Variants in LRP1B observed in about 807,000 individuals in gnomAD.
LRP1B encodes the protein LDL receptor related protein 1B, also known as low-density lipoprotein receptor-related protein 1B.
In LRP1B, 217 loss-of-function variants were observed where a neutral mutation model predicts 556.6. The ratio of observed to expected loss-of-function variants is 0.39; its 90% CI spans 0.35 to 0.44. LRP1B has a LOEUF of 0.44. Among genes scored for constraint, LRP1B ranks in the 20% least tolerant of loss-of-function variants. The pLI is 1.00. For missense variants in LRP1B, 5,053 were observed against 5,620.8 expected (o/e 0.90, Z 3.23); for synonymous variants, 2,047 against 1,865.8 (o/e 1.10, Z -2.50).
Position 140,252,062 on chromosome 2 carries a change from C to CAAAAAAAAAAAAAAA in LRP1B, c.13248-4915_13248-4901dup. Among the ~76,000 whole-genome samples the CAAAAAAAAAAAAAAA allele has an allele frequency of 2.3e-3, 43 of 18,530 alleles. 2 individuals are homozygous for CAAAAAAAAAAAAAAA. Among genetic ancestry groups the CAAAAAAAAAAAAAAA allele is most frequent in the Admixed American group, 5.2e-3 (5 of 954 alleles). 12.2% of individuals were successfully genotyped at this position (18,530 alleles called of 152,430 possible). A position where few individuals can be genotyped will look rare whatever the true frequency, so the allele number is the denominator to read the frequency against. On this transcript the variant is annotated intron_variant, in intron 86 of 90. Coordinates refer to ENST00000389484, the MANE Select transcript of LRP1B (RefSeq NM_018557.3). The stretch of plus-strand genomic sequence containing the variant: ...TTGCAGATAGTAGCATGACAAGATG[C>CAAAAAAAAAAAAAAA]AAAAAAAAAAAAAAAAAAAAAAAAA...
At chr2:141,588,425 T>A (rs1197152004) in intron 2 of LRP1B, among the ~76,000 whole-genome samples, 1 of 152,134 alleles carries the variant, frequency 6.6e-6, no homozygotes, top group Non-Finnish European at 1.5e-5. Context: ...TTTATTACAA[T>A]GACTAAGTCA....
chr2:141,183,664 C>T (rs929483619), intron 7 of LRP1B, among the ~76,000 whole-genome samples: 5 of 151,968 alleles, frequency 3.3e-5, no homozygotes, highest in African/African-American at 1.2e-4. Context: ...AAAGATTCAT[C>T]CCACACAGAA....
intron 42 of LRP1B, among the ~76,000 whole-genome samples, chr2:140,599,777 C>T (rs538467): frequency 0.093 from 14,152 of 152,084 alleles, 1,040 homozygotes; most frequent in African/African-American, 0.2. Flanking sequence ...GTGTTCCTTT[C>T]ATTTCCCCCC....
At chr2:140,236,139 A>G (rs1178878404) in intron 89 of LRP1B, among the ~76,000 whole-genome samples, 1 of 150,960 alleles carries the variant, frequency 6.6e-6, no homozygotes. Context: ...GATAGTACAC[A>G]ATGTATCCAT....
intron 7 of LRP1B, among the ~76,000 whole-genome samples, chr2:141,164,459 C>G (rs924816375): frequency 1.3e-5 from 2 of 152,024 alleles, no homozygotes; most frequent in African/African-American, 4.8e-5. Context: ...ATGTTACTGT[C>G]TATAATTCTC....
At chr2:141,728,645 AT>A (rs1693143230) in intron 2 of LRP1B, among the ~76,000 whole-genome samples, 1 of 152,112 alleles carries the variant, frequency 6.6e-6, no homozygotes, top group Non-Finnish European at 1.5e-5. Flanking sequence ...TCGGAAGCTC[AT>A]TTGACTGTAG....
At chr2:141,425,776 T>C (rs1680339248) in intron 3 of LRP1B, among the ~76,000 whole-genome samples, 1 of 152,028 alleles carries the variant, frequency 6.6e-6, no homozygotes, top group Non-Finnish European at 1.5e-5. Context: ...TGTTTGTTTT[T>C]TTCTTGTAAA....
chr2:140,274,507 T>TC lies in LRP1B; in HGVS notation c.13058dup (p.Pro4354ThrfsTer4). 6.2e-7 allele frequency: 1 copy of TC among 1,612,730 alleles called. No individual in the cohort carries two copies. Among genetic ancestry groups the TC allele is most frequent in the Non-Finnish European group, 8.5e-7 (1 of 1,179,130 alleles). On this transcript the variant is annotated frameshift_variant, in exon 85 of 91. Transcript: ENST00000389484. LOFTEE classifies it high-confidence loss of function. ...CACACTTGTCAACCTCACATTTTGG[T>TC]CCTTCATAGCGCGTTGGACAGACAC...
intron 6 of LRP1B, among the ~76,000 whole-genome samples, chr2:141,200,369 T>G (rs1047171238): frequency 3.3e-5 from 5 of 151,966 alleles, no homozygotes; most frequent in African/African-American, 1.2e-4. Flanking sequence ...GAGGGAACAA[T>G]GCACTGAGGC....
chr2:141,892,396 A>T (rs947275984), intron 1 of LRP1B, among the ~76,000 whole-genome samples: 33 of 152,082 alleles, frequency 2.2e-4, no homozygotes, highest in East Asian at 3.9e-4. Flanking sequence ...TTAAGTGGAA[A>T]TTTTTTTAAA....
chr2:142,002,289 T>C (rs1702678138), intron 1 of LRP1B, among the ~76,000 whole-genome samples: 1 of 152,136 alleles, frequency 6.6e-6, no homozygotes, highest in Non-Finnish European at 1.5e-5. Flanking sequence ...AATTGCAATA[T>C]CAAAAATCCA....
chr2:141,905,765 A>ATG (rs56309590), intron 1 of LRP1B, among the ~76,000 whole-genome samples: 2,191 of 100,238 alleles, frequency 0.022, 46 homozygotes, highest in African/African-American at 0.049. Flanking sequence ...GTTTGAATAG[A>ATG]TGTGTGTGTG....
intron 1 of LRP1B, among the ~76,000 whole-genome samples, chr2:141,966,772 C>T (rs776328981): frequency 4.0e-5 from 6 of 151,768 alleles, no homozygotes; most frequent in Non-Finnish European, 8.8e-5. Flanking sequence ...TGTCAGATAA[C>T]AGCACCCTAT....
intron 84 of LRP1B, among the ~76,000 whole-genome samples, chr2:140,296,264 A>C (rs892157606): frequency 6.6e-6 from 1 of 152,162 alleles, no homozygotes; most frequent in African/African-American, 2.4e-5. Context: ...AGTGTATATG[A>C]AACAAGAATT....
At chr2:140,975,322 C>A (rs1285484920) in intron 18 of LRP1B, among the ~76,000 whole-genome samples, 1 of 152,192 alleles carries the variant, frequency 6.6e-6, no homozygotes, top group Non-Finnish European at 1.5e-5. Context: ...GAGACTCAAA[C>A]CTCTCTGAAG....
intron 6 of LRP1B, among the ~76,000 whole-genome samples, chr2:141,218,893 G>T (rs1682925798): frequency 6.6e-6 from 1 of 152,154 alleles, no homozygotes; most frequent in Non-Finnish European, 1.5e-5. Context: ...GAGGTATCCA[G>T]GTTCTCTCAC....
At chr2:141,148,397 G>A (rs975743004) in intron 7 of LRP1B, among the ~76,000 whole-genome samples, 1 of 152,142 alleles carries the variant, frequency 6.6e-6, no homozygotes, top group Non-Finnish European at 1.5e-5. Flanking sequence ...AAGAATCCTG[G>A]GGAATTAATC....
intron 1 of LRP1B, among the ~76,000 whole-genome samples, chr2:141,923,446 A>ATATGTG (rs751676259): frequency 0.035 from 2,849 of 81,388 alleles, 76 homozygotes; most frequent in Non-Finnish European, 0.048. Flanking sequence ...TTATATATAT[A>ATATGTG]TGTGTGTGTG....
intron 33 of LRP1B, among the ~76,000 whole-genome samples, chr2:140,775,147 C>A (rs1689447910): frequency 2.0e-5 from 3 of 152,164 alleles, no homozygotes; most frequent in Non-Finnish European, 4.4e-5. Context: ...GACCCAATCC[C>A]TGTACAGGGA....
Sources: allele counts gnomAD v4.1 joint callset (sites outside exome capture counted in the v4.1 genomes callset), GRCh38; gene constraint gnomAD v4.1.1; transcripts MANE v1.5; gene names NCBI Gene and HGNC (gene_info 2026-07-23, HGNC 2026-07-21).